The following ST8SIA6 variants were observed in gnomAD, a reference collection of about 807,000 sequenced individuals.
ST8SIA6 encodes alpha-2,8-sialyltransferase 8F.
ST8SIA6 carries 39 observed loss-of-function variants against 33.6 expected under a neutral mutation model. The ratio of observed to expected loss-of-function variants is 1.16; its 90% confidence interval spans 0.90 to 1.52. The LOEUF (loss-of-function observed/expected upper bound fraction) is 1.52. Ranked by LOEUF, ST8SIA6 falls within the 40% of genes most tolerant of loss-of-function variation. ST8SIA6 has a pLI of 0.00. For missense variants in ST8SIA6, 441 were observed against 443.8 expected (o/e 0.99, Z 0.06); for synonymous variants, 172 against 167.2 (o/e 1.03, Z -0.22).
intron 3 of ST8SIA6, among the ~76,000 whole-genome samples, chr10:17,387,285 C>G (rs908290038): frequency 6.6e-6 from 1 of 150,638 alleles, no homozygotes; most frequent in Non-Finnish European, 1.5e-5. Flanking sequence ...GAGTTTCGCT[C>G]TCGTCACCCG....
chr10:17,389,480 T>C (rs1231021196), intron 3 of ST8SIA6, among the ~76,000 whole-genome samples: 3 of 152,138 alleles, frequency 2.0e-5, no homozygotes, highest in Non-Finnish European at 4.4e-5. Flanking sequence ...ACACATCCTT[T>C]GTCCAGCACC....
At chr10:17,408,256 A>T (rs1851337906) in intron 2 of ST8SIA6, 1 of 152,658 alleles carries the variant, frequency 6.6e-6, no homozygotes, top group Admixed American at 6.5e-5. Flanking sequence ...TGAGTTCTGG[A>T]AATGTCATTA....
chr10:17,440,179 T>C (rs1852423588), intron 2 of ST8SIA6, among the ~76,000 whole-genome samples: 1 of 151,958 alleles, frequency 6.6e-6, no homozygotes, highest in South Asian at 2.1e-4. Context: ...TTTGTAATAG[T>C]TTCTCAACTC....
intron 2 of ST8SIA6, among the ~76,000 whole-genome samples, chr10:17,441,527 G>A (rs1025587498): frequency 1.6e-4 from 24 of 151,846 alleles, no homozygotes; most frequent in African/African-American, 5.8e-4. Flanking sequence ...TAGGCTGCTC[G>A]CGAACTCCTG....
At chr10:17,421,164 C>G (rs1180591781) in intron 2 of ST8SIA6, among the ~76,000 whole-genome samples, 2 of 152,164 alleles carry the variant, frequency 1.3e-5, no homozygotes, top group Non-Finnish European at 2.9e-5. Flanking sequence ...CACGTCATGA[C>G]TGACTGATGC....
intron 2 of ST8SIA6, among the ~76,000 whole-genome samples, chr10:17,406,956 G>A (rs1030328523): frequency 6.6e-6 from 1 of 152,004 alleles, no homozygotes; most frequent in Non-Finnish European, 1.5e-5. Context: ...CACCACACCT[G>A]GCTAATTTTT....
intron 2 of ST8SIA6, among the ~76,000 whole-genome samples, chr10:17,392,164 A>G (rs908679123): frequency 3.3e-5 from 5 of 152,230 alleles, no homozygotes; most frequent in Non-Finnish European, 7.3e-5. Flanking sequence ...ATAAGGAGAA[A>G]GGTATCAATC....
At chr10:17,447,048 G>A (rs1018803954) in intron 2 of ST8SIA6, among the ~76,000 whole-genome samples, 1 of 149,040 alleles carries the variant, frequency 6.7e-6, no homozygotes, top group Non-Finnish European at 1.5e-5. Context: ...AAAAGAAAAA[G>A]AGAAAAAATA....
intron 4 of ST8SIA6, among the ~76,000 whole-genome samples, chr10:17,352,631 T>C (rs976810889): frequency 1.3e-5 from 2 of 152,114 alleles, no homozygotes; most frequent in African/African-American, 4.8e-5. Context: ...GAGATAAATT[T>C]TGAAGTAGAA....
chr10:17,389,114 A>T (rs1001794787), intron 3 of ST8SIA6, among the ~76,000 whole-genome samples: 1 of 151,710 alleles, frequency 6.6e-6, no homozygotes, highest in Non-Finnish European at 1.5e-5. Flanking sequence ...ACTCATTTCA[A>T]CTCCCTGATT....
rs756965327 is a variant in ST8SIA6, at chr10:17,454,194, CGCA to C, written c.59_61del (p.Leu20del). 2,066 of 270,256 alleles carry C rather than the reference CGCA, an allele frequency of 7.6e-3. No individual in the cohort carries two copies. Among genetic ancestry groups the C allele is most frequent in the East Asian group, 0.011 (159 of 14,048 alleles). 16.7% of individuals were successfully genotyped at this position (270,256 alleles called of 1,614,324 possible). ...CGCGTCTGCCGGGCACCAGAGCAGG[CGCA>C]GCAGCAGCAGCAGCAGCAGGCTGGC... On this transcript the variant is annotated inframe_deletion, in exon 1 of 8. Transcript: ENST00000377602. This position sits in a 1 kb window ranked among gnomAD's most constrained non-coding sequence, Gnocchi z 4.1.
At chr10:17,412,927 T>C (rs1851499684) in intron 2 of ST8SIA6, among the ~76,000 whole-genome samples, 1 of 152,218 alleles carries the variant, frequency 6.6e-6, no homozygotes, top group Admixed American at 6.5e-5. Context: ...ACAAATGTAT[T>C]AAATTGTCAT....
chr10:17,394,292 G>C (rs942482979), intron 2 of ST8SIA6, among the ~76,000 whole-genome samples: 37 of 151,288 alleles, frequency 2.4e-4, no homozygotes, highest in African/African-American at 8.8e-4. Context: ...AGTCAGCAAG[G>C]CCAGTCTCTG....
intron 2 of ST8SIA6, among the ~76,000 whole-genome samples, chr10:17,426,767 A>T (rs973526397): frequency 2.0e-5 from 3 of 152,190 alleles, no homozygotes; most frequent in African/African-American, 7.2e-5. Flanking sequence ...AAATTCATGG[A>T]TCTACTGGCA....
chr10:17,390,686 A>G, intron 2 of ST8SIA6, 66 bp from the exon 3 acceptor site: 1 of 1,314,424 alleles, frequency 7.6e-7, no homozygotes, highest in Non-Finnish European at 1.1e-6. Context: ...TATTGTTAAC[A>G]AAAATCAGAT....
At chr10:17,445,126 TTTC>T (rs1852658730) in intron 2 of ST8SIA6, among the ~76,000 whole-genome samples, 1 of 152,162 alleles carries the variant, frequency 6.6e-6, no homozygotes, top group African/African-American at 2.4e-5. Flanking sequence ...TAGGGTTAGT[TTTC>T]TTTTTTCAAG....
At chr10:17,364,676 G>A (rs1488721751) in intron 3 of ST8SIA6, among the ~76,000 whole-genome samples, 2 of 152,192 alleles carry the variant, frequency 1.3e-5, no homozygotes, top group Non-Finnish European at 2.9e-5. Flanking sequence ...TAAAATGGAA[G>A]CATGGTTGTA....
chr10:17,444,993 C>A (rs1852652785), intron 2 of ST8SIA6, among the ~76,000 whole-genome samples: 1 of 152,126 alleles, frequency 6.6e-6, no homozygotes, highest in Non-Finnish European at 1.5e-5. Context: ...CTTCAAAAAG[C>A]AAAGACACAA....
At chr10:17,389,346 T>G (rs1434007332) in intron 3 of ST8SIA6, among the ~76,000 whole-genome samples, 1 of 152,210 alleles carries the variant, frequency 6.6e-6, no homozygotes, top group African/African-American at 2.4e-5. Context: ...GTGAAACCAC[T>G]GGGCGTTTAC....
Sources: allele counts gnomAD v4.1 joint callset (sites outside exome capture counted in the v4.1 genomes callset), GRCh38; gene constraint gnomAD v4.1.1; non-coding constraint Gnocchi (gnomAD v3.1); transcripts MANE v1.5; gene names NCBI Gene and HGNC (gene_info 2026-07-23, HGNC 2026-07-21).